Variants in KCNMB2 observed in about 807,000 individuals in gnomAD.
KCNMB2 encodes the protein potassium calcium-activated channel subfamily M regulatory beta subunit 2.
Under a neutral mutation model 24.5 loss-of-function variants are expected in KCNMB2, and 9 were observed. The ratio of observed to expected loss-of-function variants is 0.37; its 90% CI spans 0.22 to 0.64. KCNMB2 has a LOEUF of 0.64. Ranked by LOEUF, KCNMB2 falls within the 30% of genes least tolerant of loss-of-function variation. KCNMB2 has a pLI of 0.63. For missense variants in KCNMB2, 226 were observed against 284.3 expected (o/e 0.79, Z 1.47); for synonymous variants, 109 against 104.4 (o/e 1.04, Z -0.27).
At chr3:178,828,030 C>G (rs1221465225) in intron 3 of KCNMB2, 148 bp from the exon 4 acceptor site, 2 of 623,202 alleles carry the variant, frequency 3.2e-6, no homozygotes, top group Admixed American at 6.2e-5. Flanking sequence ...CTGTTCTATT[C>G]GAAGGCCTAA....
intron 1 of KCNMB2, among the ~76,000 whole-genome samples, chr3:178,556,531 A>G (rs904673178): frequency 1.2e-4 from 19 of 152,228 alleles, no homozygotes; most frequent in African/African-American, 4.6e-4. Context: ...CAGCCTCCCA[A>G]GTAGCTGGGA....
intron 1 of KCNMB2, among the ~76,000 whole-genome samples, chr3:178,737,571 C>T (rs1346544564): frequency 6.6e-6 from 1 of 152,180 alleles, no homozygotes; most frequent in Admixed American, 6.5e-5. Context: ...ACTCAACCAA[C>T]AACCATTTGC....
chr3:178,760,896 T>A (rs1246358180), intron 1 of KCNMB2, among the ~76,000 whole-genome samples: 1 of 152,162 alleles, frequency 6.6e-6, no homozygotes, highest in Non-Finnish European at 1.5e-5. Flanking sequence ...TTTACTTTTT[T>A]ACTGCTTATA....
chr3:178,627,337 T>C (rs1719158410), intron 1 of KCNMB2, among the ~76,000 whole-genome samples: 1 of 152,182 alleles, frequency 6.6e-6, no homozygotes, highest in Admixed American at 6.5e-5. Context: ...AAACAAGAAT[T>C]TGAAGCCTGA....
At chr3:178,814,992 A>G (rs1302155486) in intron 2 of KCNMB2, among the ~76,000 whole-genome samples, 3 of 151,286 alleles carry the variant, frequency 2.0e-5, no homozygotes, top group Non-Finnish European at 4.4e-5. Context: ...CCATTTGTCA[A>G]TTTTTGGTTT....
chr3:178,730,405 A>ACCCCCCCC (rs71181246), intron 1 of KCNMB2, among the ~76,000 whole-genome samples: 2 of 112,142 alleles, frequency 1.8e-5, no homozygotes, highest in African/African-American at 7.3e-5. Flanking sequence ...GTCCCCCAAC[A>ACCCCCCCC]CCCCCCCACA....
intron 1 of KCNMB2, among the ~76,000 whole-genome samples, chr3:178,805,777 A>G (rs779302793): frequency 6.6e-6 from 1 of 151,998 alleles, no homozygotes; most frequent in Non-Finnish European, 1.5e-5. Flanking sequence ...CTACAGGCAC[A>G]CACTACCACA....
intron 1 of KCNMB2, among the ~76,000 whole-genome samples, chr3:178,608,504 C>T (rs1442625398): frequency 1.3e-5 from 2 of 152,130 alleles, no homozygotes. Context: ...GCTATCCATC[C>T]ATCAAAGTAT....
At chr3:178,600,515 G>A (rs1718041005) in intron 1 of KCNMB2, among the ~76,000 whole-genome samples, 1 of 152,038 alleles carries the variant, frequency 6.6e-6, no homozygotes, top group Non-Finnish European at 1.5e-5. Flanking sequence ...CTATACATTG[G>A]AAAATAAATG....
intron 1 of KCNMB2, among the ~76,000 whole-genome samples, chr3:178,713,489 G>A (rs1473941397): frequency 1.3e-5 from 2 of 152,306 alleles, no homozygotes; most frequent in South Asian, 4.1e-4. Flanking sequence ...ATTTCTTAGA[G>A]ATTACTTTAT....
At chr3:178,583,933 G>A (rs932687879) in intron 1 of KCNMB2, among the ~76,000 whole-genome samples, 10 of 152,190 alleles carry the variant, frequency 6.6e-5, no homozygotes, top group East Asian at 3.8e-4. Context: ...AGAATTAACC[G>A]GAGGTCTGTG....
intron 1 of KCNMB2, among the ~76,000 whole-genome samples, chr3:178,632,186 TG>T (rs1202550272): frequency 6.6e-6 from 1 of 152,196 alleles, no homozygotes; most frequent in Non-Finnish European, 1.5e-5. Flanking sequence ...GTCTGACTGT[TG>T]GGTATGTCCC....
In KCNMB2 at chr3:178,841,346, C is replaced by T. The variant is rs148485825; in HGVS notation, c.424-1307C>T. Among the ~76,000 whole-genome samples the T allele has an allele frequency of 6.8e-3, 1,040 of 152,278 alleles. 19 individuals carry two copies. The highest frequency in any genetic ancestry group is 0.024 in the African/African-American group (998 of 41,562). The stretch of plus-strand genomic sequence containing the variant: ...TCCAAATTATCCTTCATCTTCCTGT[C>T]CTCTTCTGAGTGCTCCAAACTGTTC... On this transcript the variant is annotated intron_variant, in intron 4 of 4. Transcript: ENST00000452583.
intron 3 of KCNMB2, among the ~76,000 whole-genome samples, chr3:178,826,651 A>C (rs1465341313): frequency 6.6e-6 from 1 of 152,250 alleles, no homozygotes; most frequent in Non-Finnish European, 1.5e-5. Flanking sequence ...TAAAGAAACA[A>C]GACCTTTTCA....
intron 1 of KCNMB2, among the ~76,000 whole-genome samples, chr3:178,538,330 T>C (rs1462239561): frequency 1.3e-5 from 2 of 152,220 alleles, no homozygotes; most frequent in African/African-American, 4.8e-5. Flanking sequence ...ACCAGTGAAA[T>C]GTGTGCCCTT....
intron 1 of KCNMB2, among the ~76,000 whole-genome samples, chr3:178,682,764 A>G (rs1006914712): frequency 6.6e-6 from 1 of 152,158 alleles, no homozygotes; most frequent in African/African-American, 2.4e-5. Context: ...ATATGAAAAA[A>G]TGTTCCACAT....
At chr3:178,591,011 C>A (rs1231221315) in intron 1 of KCNMB2, among the ~76,000 whole-genome samples, 1 of 152,010 alleles carries the variant, frequency 6.6e-6, no homozygotes, top group African/African-American at 2.4e-5. Context: ...AAAACAAAGC[C>A]CAGATTAGTG....
chr3:178,568,756 G>A (rs1716622091), intron 1 of KCNMB2, among the ~76,000 whole-genome samples: 1 of 148,698 alleles, frequency 6.7e-6, no homozygotes, highest in African/African-American at 2.6e-5. Flanking sequence ...TAGATAGATA[G>A]ATGATAGATA....
chr3:178,829,703 A>G (rs1714981630), intron 4 of KCNMB2, among the ~76,000 whole-genome samples: 1 of 152,204 alleles, frequency 6.6e-6, no homozygotes, highest in African/African-American at 2.4e-5. Context: ...ATAGGCATCA[A>G]AAAGTGGGAC....
Sources: allele counts gnomAD v4.1 joint callset (sites outside exome capture counted in the v4.1 genomes callset), GRCh38; gene constraint gnomAD v4.1.1; transcripts MANE v1.5; gene names NCBI Gene and HGNC (gene_info 2026-07-23, HGNC 2026-07-21).